Variants in SEC24D observed in about 807,000 individuals in gnomAD.
SEC24D encodes the protein SEC24 homolog D, COPII component, also known as protein transport protein Sec24D.
Under a neutral mutation model 116.9 loss-of-function variants are expected in SEC24D, and 69 were observed. The ratio of observed to expected loss-of-function variants is 0.59; its 90% CI spans 0.49 to 0.72. SEC24D has a LOEUF of 0.72. SEC24D is among the 30% of genes least tolerant of loss of function. The pLI, the probability that SEC24D is intolerant of heterozygous loss-of-function variation, is 0.00. For missense variants in SEC24D, 1,131 were observed against 1,264.1 expected (o/e 0.89, Z 1.60); for synonymous variants, 405 against 442.8 (o/e 0.91, Z 1.07).
intron 8 of SEC24D, among the ~76,000 whole-genome samples, chr4:118,773,228 A>G (rs1727989528): frequency 6.6e-6 from 1 of 152,098 alleles, no homozygotes; most frequent in Admixed American, 6.6e-5. Context: ...CCACAGCACC[A>G]ATATTCTACT....
At chr4:118,826,053 T>C (rs1730579042) in intron 2 of SEC24D, among the ~76,000 whole-genome samples, 1 of 151,924 alleles carries the variant, frequency 6.6e-6, no homozygotes, top group Non-Finnish European at 1.5e-5. Flanking sequence ...ATGAATAATA[T>C]TGAAACTTTT....
chr4:118,743,073 T>G (rs4834700), intron 15 of SEC24D, among the ~76,000 whole-genome samples: 2 of 152,068 alleles, frequency 1.3e-5, no homozygotes, highest in East Asian at 3.9e-4. Context: ...AGGCCCATTA[T>G]AGTGCTGACA....
chr4:118,781,182 T>C (rs1179793507), intron 8 of SEC24D, among the ~76,000 whole-genome samples: 4 of 152,198 alleles, frequency 2.6e-5, no homozygotes, highest in African/African-American at 7.2e-5. Flanking sequence ...CTTCCTAGCA[T>C]TGACGGTCTT....
chr4:118,775,314 A>G (rs956526735), intron 8 of SEC24D, among the ~76,000 whole-genome samples: 2 of 149,274 alleles, frequency 1.3e-5, no homozygotes, highest in African/African-American at 4.9e-5. Context: ...TACGCTCAGG[A>G]TAACTTGTGA....
At chr4:118,755,953 A>G (rs1727072357) in intron 11 of SEC24D, among the ~76,000 whole-genome samples, 1 of 152,028 alleles carries the variant, frequency 6.6e-6, no homozygotes, top group African/African-American at 2.4e-5. Context: ...CTGTGCTCCA[A>G]TGGTACATAA....
intron 10 of SEC24D, chr4:118,764,501 GTA>G (rs1578410704): frequency 4.8e-6 from 1 of 210,006 alleles, no homozygotes; most frequent in East Asian, 1.2e-4. Context: ...CAGAGGCACT[GTA>G]CGGAACTACT....
At chr4:118,738,441 A>C in intron 18 of SEC24D, 62 bp from the exon 19 acceptor site, 1 of 1,117,250 alleles carries the variant, frequency 9.0e-7, no homozygotes, top group Non-Finnish European at 1.4e-6. Flanking sequence ...TCTTCAAATA[A>C]TCAAACAAAA....
At chr4:118,819,235 T>A (rs548921403) in intron 3 of SEC24D, among the ~76,000 whole-genome samples, 1 of 152,130 alleles carries the variant, frequency 6.6e-6, no homozygotes, top group Non-Finnish European at 1.5e-5. Flanking sequence ...TTTCGTCTTT[T>A]AAAAAAACTT....
At chr4:118,787,943 G>C (rs1313642865) in intron 8 of SEC24D, among the ~76,000 whole-genome samples, 1 of 152,122 alleles carries the variant, frequency 6.6e-6, no homozygotes, top group Non-Finnish European at 1.5e-5. Context: ...TTCCTGAGTA[G>C]CTGGAACTAC....
chr4:118,787,265 T>C (rs1728694763), intron 8 of SEC24D, among the ~76,000 whole-genome samples: 1 of 152,246 alleles, frequency 6.6e-6, no homozygotes, highest in African/African-American at 2.4e-5. Flanking sequence ...GCATTTTGTA[T>C]GTCCAAGTTT....
At chr4:118,746,180 A>T (rs946148863) in intron 13 of SEC24D, among the ~76,000 whole-genome samples, 1 of 136,656 alleles carries the variant, frequency 7.3e-6, no homozygotes, top group Admixed American at 7.7e-5. Flanking sequence ...TCTCAAACAA[A>T]GGAAGAAAAG....
rs371955406 is a variant in SEC24D at position 118,810,889 on chromosome 4, GAC to G, written c.801+4137_801+4138del. Among the ~76,000 whole-genome samples the G allele has an allele frequency of 5.1e-3, 774 of 152,294 alleles. 7 individuals are homozygous for G. The highest frequency in any genetic ancestry group is 0.018 in the African/African-American group (743 of 41,548). ...GAGATGAGGAGACATTAACAAAGGA[GAC>G]ACAGCCTCCAGTGGGGTAGGCAGAG... On this transcript the variant is annotated intron_variant, in intron 6 of 22. Coordinates refer to ENST00000280551, the MANE Select transcript of SEC24D (RefSeq NM_014822.4).
intron 15 of SEC24D, among the ~76,000 whole-genome samples, chr4:118,742,793 A>AT (rs1330722623): frequency 6.6e-6 from 1 of 152,102 alleles, no homozygotes; most frequent in Non-Finnish European, 1.5e-5. Context: ...TACACCCCTG[A>AT]CCCCTTCTCC....
intron 11 of SEC24D, among the ~76,000 whole-genome samples, chr4:118,754,409 A>G (rs1444957360): frequency 2.0e-5 from 3 of 152,104 alleles, no homozygotes; most frequent in Non-Finnish European, 4.4e-5. Context: ...TCCTCTGTGA[A>G]ATCTCCCCGA....
At chr4:118,802,522 G>A (rs943941446) in intron 7 of SEC24D, among the ~76,000 whole-genome samples, 2 of 152,146 alleles carry the variant, frequency 1.3e-5, no homozygotes, top group African/African-American at 4.8e-5. Flanking sequence ...AAATAAGCCA[G>A]GTCAGACAAA....
chr4:118,779,584 T>C (rs1728304449), intron 8 of SEC24D, among the ~76,000 whole-genome samples: 1 of 152,180 alleles, frequency 6.6e-6, no homozygotes, highest in Admixed American at 6.5e-5. Context: ...TGTGTCTCTG[T>C]CAGGCTTTGA....
chr4:118,759,603 T>A (rs368579335), intron 10 of SEC24D, among the ~76,000 whole-genome samples: 1 of 152,218 alleles, frequency 6.6e-6, no homozygotes, highest in Non-Finnish European at 1.5e-5. Context: ...CCAGCTCTTA[T>A]CCTAGATCTC....
At chr4:118,818,660 AT>A (rs1730254795) in intron 3 of SEC24D, among the ~76,000 whole-genome samples, 1 of 152,044 alleles carries the variant, frequency 6.6e-6, no homozygotes, top group African/African-American at 2.4e-5. Context: ...TGAACAGCTT[AT>A]TTCTGCAGTC....
chr4:118,793,269 C>T (rs1729015662), intron 8 of SEC24D, among the ~76,000 whole-genome samples: 1 of 151,610 alleles, frequency 6.6e-6, no homozygotes, highest in Admixed American at 6.6e-5. Flanking sequence ...AGATAGAGAC[C>T]ATCCCGGCTA....
Sources: gnomAD v4.1 joint callset for allele counts (sites outside exome capture counted in the v4.1 genomes callset) on GRCh38, gnomAD v4.1.1 for gene constraint, MANE v1.5 for transcripts, NCBI Gene and HGNC (gene_info 2026-07-23, HGNC 2026-07-21) for gene names.